Variants in FER observed in about 807,000 individuals in gnomAD.
FER encodes the protein FER tyrosine kinase.
In FER, 63 loss-of-function variants were observed where a neutral mutation model predicts 111.0. The observed-to-expected ratio is 0.57, with a 90% confidence interval of 0.46 to 0.70. FER has a LOEUF of 0.70. Among genes scored for constraint, FER ranks in the 30% least tolerant of loss-of-function variants. The pLI is 0.00. For missense variants in FER, 914 were observed against 954.0 expected (o/e 0.96, Z 0.55); for synonymous variants, 327 against 313.9 (o/e 1.04, Z -0.44).
intron 2 of FER, among the ~76,000 whole-genome samples, chr5:108,783,140 T>A (rs905962449): frequency 6.6e-6 from 1 of 152,176 alleles, no homozygotes; most frequent in African/African-American, 2.4e-5. Context: ...CCGTGAGGCT[T>A]TCTTAATTTT....
chr5:108,766,455 A>C (rs76397523), intron 1 of FER, among the ~76,000 whole-genome samples: 87 of 152,322 alleles, frequency 5.7e-4, no homozygotes, highest in African/African-American at 2.1e-3. Flanking sequence ...TGTCTCATTT[A>C]TGTCACAGTT....
chr5:108,936,509 TA>T (rs1755496130), intron 10 of FER, among the ~76,000 whole-genome samples: 1 of 151,988 alleles, frequency 6.6e-6, no homozygotes, highest in South Asian at 2.1e-4. Flanking sequence ...GTTGACGTAA[TA>T]GTTAATGAAC....
intron 17 of FER, among the ~76,000 whole-genome samples, chr5:109,169,311 A>G (rs991368233): frequency 2.0e-5 from 3 of 152,196 alleles, no homozygotes; most frequent in African/African-American, 7.2e-5. Context: ...CTATGGAAAG[A>G]AAATATATAG....
At chr5:109,167,910 G>T (rs941203695) in intron 17 of FER, among the ~76,000 whole-genome samples, 2 of 152,028 alleles carry the variant, frequency 1.3e-5, no homozygotes, top group Admixed American at 1.3e-4. Context: ...ATAGCTGAGG[G>T]TAAAGAAATG....
intron 17 of FER, among the ~76,000 whole-genome samples, chr5:109,123,154 C>G (rs1229317445): frequency 1.7e-5 from 2 of 118,688 alleles, no homozygotes; most frequent in Non-Finnish European, 3.6e-5. Flanking sequence ...TCCTTCCTGT[C>G]TTGTTTTTTT....
intron 2 of FER, among the ~76,000 whole-genome samples, chr5:108,769,304 T>G (rs914934825): frequency 6.6e-6 from 1 of 151,970 alleles, no homozygotes; most frequent in African/African-American, 2.4e-5. Flanking sequence ...AAGGGAGTAG[T>G]TTTTGATTGG....
chr5:108,749,579 G>A (rs2149895374), intron 1 of FER, among the ~76,000 whole-genome samples: 1 of 152,264 alleles, frequency 6.6e-6, no homozygotes, highest in East Asian at 1.9e-4. Flanking sequence ...GACCCGCTCG[G>A]TCCTCCCCAG....
At chr5:108,904,498 G>A (rs1750470977) in intron 10 of FER, among the ~76,000 whole-genome samples, 1 of 152,126 alleles carries the variant, frequency 6.6e-6, no homozygotes, top group African/African-American at 2.4e-5. Context: ...GAAAGTAATA[G>A]GAGATAGGGT....
At chr5:108,923,269 C>T (rs556939761) in intron 10 of FER, among the ~76,000 whole-genome samples, 16 of 151,412 alleles carry the variant, frequency 1.1e-4, no homozygotes, top group African/African-American at 3.4e-4. Flanking sequence ...ATGGTTGTTG[C>T]GGACAATAAA....
At position 108,959,254 on chromosome 5, in the gene FER, T is replaced by C; in HGVS notation, c.1563T>C (p.Phe521=). The change falls in exon 13 of 20, where the codon TTT becomes TTC. Residue 521 remains phenylalanine (F), a synonymous_variant. Coordinates refer to ENST00000281092, the MANE Select transcript of FER (RefSeq NM_005246.4). The stretch of plus-strand genomic sequence containing the variant: ...TGTATCGATTCGAGGGCACTGGGTT[T>C]TCAAACATTCCTCAACTTATAGATC... ...DNMYRFEGTG[F]SNIPQLIDHH... 6.2e-7 allele frequency: 1 copy of C among 1,611,742 alleles called. No homozygotes were observed. Among genetic ancestry groups the C allele is most frequent in the Non-Finnish European group, 8.5e-7 (1 of 1,178,562 alleles).
At chr5:109,117,513 G>T (rs1261035046) in intron 17 of FER, among the ~76,000 whole-genome samples, 2 of 152,150 alleles carry the variant, frequency 1.3e-5, no homozygotes, top group Non-Finnish European at 2.9e-5. Flanking sequence ...ATAATTTGCT[G>T]TATATTATTT....
intron 14 of FER, among the ~76,000 whole-genome samples, chr5:109,043,484 A>T (rs1771479838): frequency 6.6e-6 from 1 of 152,192 alleles, no homozygotes. Context: ...ATTGAATATA[A>T]GACTTGTTAA....
chr5:109,044,056 C>T (rs1771586208), intron 14 of FER, among the ~76,000 whole-genome samples: 1 of 151,698 alleles, frequency 6.6e-6, no homozygotes, highest in African/African-American at 2.4e-5. Context: ...TAAGAGAATA[C>T]TCAAGAATAG....
At chr5:109,062,544 T>C (rs1774555006) in intron 16 of FER, among the ~76,000 whole-genome samples, 1 of 145,570 alleles carries the variant, frequency 6.9e-6, no homozygotes, top group Non-Finnish European at 1.5e-5. Context: ...AAAAAATATA[T>C]ATAACAATAT....
intron 13 of FER, among the ~76,000 whole-genome samples, chr5:109,021,610 C>T (rs1188458608): frequency 5.3e-5 from 8 of 151,988 alleles, no homozygotes; most frequent in African/African-American, 1.9e-4. Flanking sequence ...ATTCTTAGTG[C>T]TTATCTTAGT....
intron 2 of FER, among the ~76,000 whole-genome samples, chr5:108,774,672 T>A (rs774800602): frequency 1.2e-4 from 19 of 152,202 alleles, no homozygotes; most frequent in Admixed American, 6.5e-4. Flanking sequence ...TTTTTTCATG[T>A]TTGTTGGCTA....
chr5:109,066,001 G>C (rs1393819125), intron 16 of FER, among the ~76,000 whole-genome samples: 1 of 152,176 alleles, frequency 6.6e-6, no homozygotes, highest in Non-Finnish European at 1.5e-5. Flanking sequence ...GAAAGATTTT[G>C]TATAGCAAAG....
chr5:108,881,346 A>G (rs1210785503), intron 8 of FER, among the ~76,000 whole-genome samples: 2 of 152,144 alleles, frequency 1.3e-5, no homozygotes, highest in Non-Finnish European at 2.9e-5. Flanking sequence ...CAGCAGGCAA[A>G]GAGAGTTTGT....
chr5:108,795,441 A>C (rs1262343634), intron 2 of FER, among the ~76,000 whole-genome samples: 2 of 126,280 alleles, frequency 1.6e-5, no homozygotes, highest in Non-Finnish European at 3.2e-5. Flanking sequence ...GTGCCACTGT[A>C]CTCCAACCTG....
Sources: gnomAD v4.1 joint callset for allele counts (sites outside exome capture counted in the v4.1 genomes callset) on GRCh38, gnomAD v4.1.1 for gene constraint, MANE v1.5 for transcripts, NCBI Gene and HGNC (gene_info 2026-07-23, HGNC 2026-07-21) for gene names.